The following RABL6 variants were observed in gnomAD, a reference collection of about 807,000 sequenced individuals.
RABL6 encodes the protein rab-like protein 6.
In RABL6, 28 loss-of-function variants were observed where a neutral mutation model predicts 72.9. The ratio of observed to expected loss-of-function variants is 0.38; its 90% CI spans 0.28 to 0.53. RABL6 has a LOEUF of 0.53. Among genes scored for constraint, RABL6 ranks in the 20% least tolerant of loss-of-function variants. The pLI, the probability that RABL6 is intolerant of heterozygous loss-of-function variation, is 0.80. For synonymous variants in RABL6, 477 were observed against 421.2 expected, an observed-to-expected ratio of 1.13 and a Z score of -1.62; for missense variants, 1,029 against 1,008.4, an observed-to-expected ratio of 1.02 and a Z score of -0.28.
Position 136,839,745 on chromosome 9 carries a change from G to C in RABL6, c.1810G>C (p.Gly604Arg), listed in dbSNP as rs750118423. The stretch of plus-strand genomic sequence containing the variant: ...CTCCGATGTGACTGACGAGGATGAG[G>C]GCCCTGCCGAGCCGCCCCCACCCCC... ...DPSDVTDEDEGPAEPPPPPKL... is the reference protein window; with the variant it reads ...DPSDVTDEDERPAEPPPPPKL... Residue 604 changes from glycine (G) to arginine (R), a missense_variant, in exon 13 of 15, where the codon GGC becomes CGC. Coordinates refer to ENST00000311502, the MANE Select transcript of RABL6 (RefSeq NM_024718.5). 1.2e-6 allele frequency: 2 copies of C among 1,610,856 alleles called. No individual in the cohort carries two copies. Among genetic ancestry groups the C allele is most frequent in the East Asian group, 4.5e-5 (2 of 44,840 alleles).
intron 7 of RABL6, chr9:136,833,945 TG>T (rs1407894234): frequency 6.5e-7 from 1 of 1,547,500 alleles, no homozygotes; most frequent in African/African-American, 1.4e-5. Flanking sequence ...ACTGCTCAGC[TG>T]CTCCATTCCC....
intron 7 of RABL6, chr9:136,833,882 C>G: frequency 6.4e-7 from 1 of 1,550,518 alleles, no homozygotes; most frequent in South Asian, 1.2e-5. Context: ...GCCCCTCCTT[C>G]CTGCAGAGCC....
chr9:136,826,838 C>T lies in RABL6; in HGVS notation c.313+1012C>T, dbSNP rs905600891. On this transcript the variant is annotated intron_variant, in intron 3 of 14. Transcript: ENST00000311502. This position sits in a 1 kb window ranked among gnomAD's most constrained non-coding sequence, Gnocchi z 4.9. Reference sequence around the variant, plus strand: ...GCCGTCCTGACCCCCATCCTGGCCCCTTTCGGAGCTGCAGAGATTTCCTGT... The same window carrying T: ...GCCGTCCTGACCCCCATCCTGGCCCTTTTCGGAGCTGCAGAGATTTCCTGT... The T allele has an allele frequency of 6.6e-6, 1 of 152,338 alleles. No individual in the cohort carries two copies. The highest frequency in any genetic ancestry group is 1.5e-5 in the Non-Finnish European group (1 of 68,162). 9.4% of individuals were successfully genotyped at this position (152,338 alleles called of 1,614,324 possible).
chr9:136,836,447 C>T (rs1029037587), intron 8 of RABL6: 2 of 152,494 alleles, frequency 1.3e-5, no homozygotes, highest in African/African-American at 4.8e-5. Flanking sequence ...CTGAGGCCCC[C>T]CAGGAGGTCT....
At chr9:136,819,342 A>G (rs1848192359) in intron 1 of RABL6, among the ~76,000 whole-genome samples, 1 of 151,308 alleles carries the variant, frequency 6.6e-6, no homozygotes, top group African/African-American at 2.4e-5. Flanking sequence ...AAAAAAAAAA[A>G]AGAAAACCAC....
intron 1 of RABL6, among the ~76,000 whole-genome samples, chr9:136,810,794 G>C (rs1288488016): frequency 6.6e-6 from 1 of 152,226 alleles, no homozygotes; most frequent in African/African-American, 2.4e-5. Flanking sequence ...GCCCGCCTCA[G>C]CCTCTCAAAG....
rs201352728 is a variant in RABL6, at chr9:136,822,338, T to TC, written c.131-1184dup. On this transcript the variant is annotated intron_variant, in intron 1 of 14. Coordinates refer to ENST00000311502, the MANE Select transcript of RABL6 (RefSeq NM_024718.5). Reference sequence around the variant, plus strand: ...CTGCTCCCCACCAACCCGGCTCCCTTCCCTGGCTTCCCTGGCTCTCCCCTC... The same window carrying TC: ...CTGCTCCCCACCAACCCGGCTCCCTTCCCCTGGCTTCCCTGGCTCTCCCCTC... Among the ~76,000 whole-genome samples the TC allele has an allele frequency of 1.9e-3, 290 of 152,222 alleles. 2 individuals carry two copies. The highest frequency in any genetic ancestry group is 6.6e-3 in the African/African-American group (275 of 41,538).
intron 1 of RABL6, 26 bp downstream of exon 1, chr9:136,808,352 C>G: frequency 1.4e-6 from 2 of 1,480,036 alleles, no homozygotes; most frequent in East Asian, 5.7e-5. Context: ...CGGGGGGGCG[C>G]GGGAGCGCCG....
Position 136,831,775 on chromosome 9 carries a change from G to T in RABL6, c.513G>T (p.Val171=). Residue 171 remains valine (V), a synonymous_variant, in exon 6 of 15, where the codon GTG becomes GTT. Transcript: ENST00000311502. ...ELPKVPTHVP[V]CVLGNYRDMG... ...CAAAAGTGCCCACCCACGTGCCAGT[G>T]TGCGTGCTGGGAAACTACCGGGACA... 1 of 1,613,518 alleles carries T rather than the reference G, an allele frequency of 6.2e-7. No individual in the cohort carries two copies. The highest frequency in any genetic ancestry group is 8.5e-7 in the Non-Finnish European group (1 of 1,179,842).
At chr9:136,822,033 G>C (rs1256028453) in intron 1 of RABL6, 1 of 1,289,624 alleles carries the variant, frequency 7.8e-7, no homozygotes, top group African/African-American at 1.5e-5. Context: ...AGCTTCAGGG[G>C]AGAAGAAATG....
At chr9:136,838,800 CCCACGGCCA>C (rs1848630926) in intron 10 of RABL6, 100 bp from the exon 11 acceptor site, 1 of 1,019,376 alleles carries the variant, frequency 9.8e-7, no homozygotes, top group South Asian at 1.7e-5. Context: ...GTGGGGTGGC[CCCACGGCCA>C]GGGTGTGCTG....
chr9:136,838,320 G>A (rs1181652345), intron 10 of RABL6, among the ~76,000 whole-genome samples: 2 of 152,198 alleles, frequency 1.3e-5, no homozygotes, highest in African/African-American at 4.8e-5. Context: ...GGTCATATGG[G>A]AGGTTCAGGC....
rs1182417792 is a variant in RABL6 at position 136,840,707 on chromosome 9, G to T, written c.*185G>T. 1.3e-6 allele frequency: 2 copies of T among 1,548,684 alleles called. No homozygotes were observed. The highest frequency in any genetic ancestry group is 1.4e-5 in the African/African-American group (1 of 73,002). Reference sequence around the variant, plus strand: ...TGCAGGTGCTGGGCCTTCAGGCCCAGTGTGAGCCTGCTCTGCAAGAAGGGA... The same window carrying T: ...TGCAGGTGCTGGGCCTTCAGGCCCATTGTGAGCCTGCTCTGCAAGAAGGGA... On this transcript the variant is annotated 3_prime_UTR_variant, in exon 15 of 15. Coordinates refer to ENST00000311502, the MANE Select transcript of RABL6 (RefSeq NM_024718.5).
intron 7 of RABL6, 78 bp downstream of exon 7, chr9:136,832,448 C>A: frequency 8.5e-7 from 1 of 1,179,458 alleles, no homozygotes; most frequent in Non-Finnish European, 1.3e-6. Flanking sequence ...AGCAACGGGT[C>A]TCCCTCCTAA....
chr9:136,822,563 AG>A lies in RABL6; in HGVS notation c.131-961del, dbSNP rs374489054. Among the ~76,000 whole-genome samples, 578 of 152,226 alleles carry A rather than the reference AG, an allele frequency of 3.8e-3. 5 individuals are homozygous for A. Among genetic ancestry groups the A allele is most frequent in the African/African-American group, 0.013 (552 of 41,532 alleles). On this transcript the variant is annotated intron_variant, in intron 1 of 14. Coordinates refer to ENST00000311502, the MANE Select transcript of RABL6 (RefSeq NM_024718.5). ...TCCGCAGGCTGGGTGTTCTTAGTCC[AG>A]TCGGGTGCCAGGTCCATCCCCATCT...
At chr9:136,840,058 G>T in intron 13 of RABL6, 96 bp from the exon 14 acceptor site, 1 of 1,567,402 alleles carries the variant, frequency 6.4e-7, no homozygotes, top group Non-Finnish European at 8.8e-7. Flanking sequence ...GGAGGGCTGG[G>T]GCTCGCTGCT....
At chr9:136,824,147 A>G (rs548294651) in intron 2 of RABL6, among the ~76,000 whole-genome samples, 16 of 151,516 alleles carry the variant, frequency 1.1e-4, no homozygotes, top group Admixed American at 2.6e-4. Context: ...CCAGGTCTCA[A>G]TTGGGTGTGG....
At chr9:136,815,733 A>G (rs1848106623) in intron 1 of RABL6, among the ~76,000 whole-genome samples, 1 of 152,218 alleles carries the variant, frequency 6.6e-6, no homozygotes, top group Non-Finnish European at 1.5e-5. Context: ...GATAAATCAT[A>G]AGCTCTTCTT....
intron 13 of RABL6, 77 bp from the exon 14 acceptor site, chr9:136,840,077 T>G: frequency 6.3e-7 from 1 of 1,595,044 alleles, no homozygotes; most frequent in African/African-American, 1.3e-5. Context: ...CTTTGTGAGT[T>G]TCTAGAGAAG....
Sources: gnomAD v4.1 joint callset for allele counts (sites outside exome capture counted in the v4.1 genomes callset) on GRCh38, gnomAD v4.1.1 for gene constraint, Gnocchi (gnomAD v3.1) non-coding constraint, MANE v1.5 for transcripts, NCBI Gene and HGNC (gene_info 2026-07-23, HGNC 2026-07-21) for gene names.